Variants in PTPN13 observed in about 807,000 individuals in gnomAD.
PTPN13 encodes the protein protein tyrosine phosphatase non-receptor type 13.
PTPN13 carries 191 observed loss-of-function variants against 284.0 expected under a neutral mutation model. The ratio of observed to expected loss-of-function variants is 0.67; its 90% CI spans 0.60 to 0.76. The LOEUF (loss-of-function observed/expected upper bound fraction) is 0.76. PTPN13 is among the 30% of genes least tolerant of loss of function. PTPN13 has a pLI of 0.00. For missense variants in PTPN13, 2,797 were observed against 2,939.9 expected, an observed-to-expected ratio of 0.95 and a Z score of 1.12; for synonymous variants, 986 against 1,022.3, an observed-to-expected ratio of 0.96 and a Z score of 0.68.
At chr4:86,800,683 G>A (rs1309201653) in intron 42 of PTPN13, among the ~76,000 whole-genome samples, 2 of 141,784 alleles carry the variant, frequency 1.4e-5, no homozygotes, top group African/African-American at 2.5e-5. Context: ...GAAAGAGAGA[G>A]AAGGAGAGAA....
At chr4:86,611,837 CT>C (rs1436539427) in intron 1 of PTPN13, among the ~76,000 whole-genome samples, 1 of 152,154 alleles carries the variant, frequency 6.6e-6, no homozygotes, top group Non-Finnish European at 1.5e-5. Context: ...AGATGGTCCC[CT>C]TTGAGTATTC....
intron 2 of PTPN13, among the ~76,000 whole-genome samples, chr4:86,656,587 C>T (rs969381963): frequency 1.3e-4 from 20 of 152,198 alleles, no homozygotes; most frequent in African/African-American, 4.3e-4. Flanking sequence ...CCTCTGGAAG[C>T]TTTGTCTGAG....
At chr4:86,643,557 T>C (rs1156545999) in intron 2 of PTPN13, among the ~76,000 whole-genome samples, 17 of 152,166 alleles carry the variant, frequency 1.1e-4, no homozygotes, top group Admixed American at 5.9e-4. Flanking sequence ...CAAAGTTTAG[T>C]GAATATTATG....
At chr4:86,808,863 G>C (rs555167589) in intron 45 of PTPN13, among the ~76,000 whole-genome samples, 6 of 152,222 alleles carry the variant, frequency 3.9e-5, no homozygotes, top group African/African-American at 1.2e-4. Context: ...AAATAGAGAA[G>C]GACAATTGGC....
intron 2 of PTPN13, among the ~76,000 whole-genome samples, chr4:86,640,685 A>G (rs1200544672): frequency 6.6e-6 from 1 of 152,204 alleles, no homozygotes; most frequent in Non-Finnish European, 1.5e-5. Context: ...TATATAAAGC[A>G]TCTTGCATAC....
At chr4:86,656,833 C>G (rs1348408570) in intron 2 of PTPN13, among the ~76,000 whole-genome samples, 1 of 152,212 alleles carries the variant, frequency 6.6e-6, no homozygotes, top group Non-Finnish European at 1.5e-5. Flanking sequence ...GTGGAGTCTA[C>G]AGAGGCAGGC....
intron 1 of PTPN13, among the ~76,000 whole-genome samples, chr4:86,607,925 A>G (rs61277444): frequency 0.048 from 7,256 of 152,124 alleles, 270 homozygotes; most frequent in East Asian, 0.13. Context: ...ATCTTTTAAC[A>G]ATGTTTAGAT....
At chr4:86,688,860 C>T in intron 4 of PTPN13, 145 bp from the exon 5 acceptor site, 1 of 557,358 alleles carries the variant, frequency 1.8e-6, no homozygotes, top group Non-Finnish European at 3.0e-6. Context: ...CAGTAAAATG[C>T]TTATGCTGAT....
intron 2 of PTPN13, among the ~76,000 whole-genome samples, chr4:86,669,299 A>ATG (rs199754749): frequency 7.6e-6 from 1 of 132,168 alleles, no homozygotes; most frequent in Non-Finnish European, 1.7e-5. Flanking sequence ...ATATATATAT[A>ATG]TATATATATA....
intron 1 of PTPN13, among the ~76,000 whole-genome samples, chr4:86,612,118 A>G (rs1471380346): frequency 6.6e-6 from 1 of 152,194 alleles, no homozygotes; most frequent in African/African-American, 2.4e-5. Context: ...ACCTGAAAAG[A>G]TCAAACTTTG....
chr4:86,765,489 G>T lies in PTPN13; in HGVS notation c.4243+1G>T. On this transcript the variant is annotated splice_donor_variant, in intron 26 of 47. Coordinates refer to ENST00000411767, the MANE Select transcript of PTPN13 (RefSeq NM_080683.3). LOFTEE classifies it high-confidence loss of function. ...GAGTCTGATGGTAGAATTCACAAAG[G>T]TATAGTGTTTATATTATGTGGGAAT... The T allele has an allele frequency of 6.4e-7, 1 of 1,567,218 alleles. No homozygotes were observed. The highest frequency in any genetic ancestry group is 8.7e-7 in the Non-Finnish European group (1 of 1,152,700).
Position 86,785,221 on chromosome 4 carries a change from A to G in PTPN13, c.6119-10A>G, listed in dbSNP as rs377747578. 17 of 1,495,610 alleles carry G rather than the reference A, an allele frequency of 1.1e-5. No individual in the cohort carries two copies. The highest frequency in any genetic ancestry group is 4.0e-5 in the Admixed American group (2 of 50,274). 92.6% of individuals were successfully genotyped at this position (1,495,610 alleles called of 1,614,324 possible). ...AAAGTAAAACCCCATGTAAATTATT[A>G]TTTTTCAAGAATCTTATATACAAGA... On this transcript the variant is annotated splice_polypyrimidine_tract_variant and intron_variant, in intron 38 of 47. Coordinates refer to ENST00000411767, the MANE Select transcript of PTPN13 (RefSeq NM_080683.3).
chr4:86,660,201 C>T (rs1178218633), intron 2 of PTPN13, among the ~76,000 whole-genome samples: 1 of 152,044 alleles, frequency 6.6e-6, no homozygotes, highest in Non-Finnish European at 1.5e-5. Context: ...GTCTAAGGGT[C>T]GATCTGTTTA....
At chr4:86,643,441 C>T (rs1051469908) in intron 2 of PTPN13, among the ~76,000 whole-genome samples, 2 of 151,908 alleles carry the variant, frequency 1.3e-5, no homozygotes, top group African/African-American at 4.8e-5. Context: ...CTATAGAAAG[C>T]TAAGACAAAT....
chr4:86,765,785 C>A (rs889285481), intron 26 of PTPN13, among the ~76,000 whole-genome samples: 1 of 149,804 alleles, frequency 6.7e-6, no homozygotes, highest in African/African-American at 2.5e-5. Flanking sequence ...TACTATGAAG[C>A]AAATTGCTGT....
intron 42 of PTPN13, among the ~76,000 whole-genome samples, chr4:86,802,385 G>T (rs1256175244): frequency 1.3e-5 from 2 of 151,936 alleles, no homozygotes; most frequent in Non-Finnish European, 1.5e-5. Flanking sequence ...CCTTTTTATG[G>T]CTGGTTTTGC....
At chr4:86,782,096 T>C (rs1236316892) in intron 36 of PTPN13, 105 bp from the exon 37 acceptor site, 4 of 753,942 alleles carry the variant, frequency 5.3e-6, no homozygotes, top group Non-Finnish European at 8.9e-6. Context: ...TGTGTACTAA[T>C]AAAAATAACA....
Position 86,803,824 on chromosome 4 carries a change from G to GCTAGATCAAGGAATT in PTPN13, c.6623_6637dup (p.Leu2208_Ile2212dup). On this transcript the variant is annotated inframe_insertion, in exon 43 of 48. Transcript: ENST00000411767. ...CAGTCATTCGAGTCCTGCGGGGTTT[G>GCTAGATCAAGGAATT]CTAGATCAAGGAATTCCTTCTAAGG... 1 of 1,613,776 alleles carries GCTAGATCAAGGAATT rather than the reference G, an allele frequency of 6.2e-7. No individual in the cohort carries two copies. The highest frequency in any genetic ancestry group is 8.5e-7 in the Non-Finnish European group (1 of 1,179,758).
intron 3 of PTPN13, among the ~76,000 whole-genome samples, chr4:86,679,470 G>A (rs1358175676): frequency 6.6e-6 from 1 of 152,176 alleles, no homozygotes; most frequent in African/African-American, 2.4e-5. Context: ...TTTTAGAAAA[G>A]CAAGTTCTTA....
Sources: gnomAD v4.1 joint callset for allele counts (sites outside exome capture counted in the v4.1 genomes callset) on GRCh38, gnomAD v4.1.1 for gene constraint, MANE v1.5 for transcripts, NCBI Gene and HGNC (gene_info 2026-07-23, HGNC 2026-07-21) for gene names.